Variants in PTPN3 observed in about 807,000 individuals in gnomAD.
The protein encoded by PTPN3 is protein tyrosine phosphatase non-receptor type 3, also known as tyrosine-protein phosphatase non-receptor type 3.
PTPN3 carries 96 observed loss-of-function variants against 132.7 expected under a neutral mutation model. The observed-to-expected ratio is 0.72, with a 90% CI of 0.61 to 0.86. The LOEUF is 0.86. Among genes scored for constraint, PTPN3 ranks in the 40% least tolerant of loss-of-function variants. The probability of loss-of-function intolerance (pLI) is 0.00; values close to 1 mark genes in which losing one functional copy is unlikely to be tolerated. For synonymous variants in PTPN3, 398 were observed against 429.0 expected (o/e 0.93, Z 0.89); for missense variants, 1,125 against 1,159.6 (o/e 0.97, Z 0.43).
At chr9:109,489,707 C>A (rs1037856644) in intron 1 of PTPN3, among the ~76,000 whole-genome samples, 1 of 151,960 alleles carries the variant, frequency 6.6e-6, no homozygotes, top group Non-Finnish European at 1.5e-5. Flanking sequence ...TGAGTCTCAC[C>A]CCTCATCAAA....
chr9:109,468,939 T>TA (rs1399158293), intron 1 of PTPN3, among the ~76,000 whole-genome samples: 1 of 152,282 alleles, frequency 6.6e-6, no homozygotes. Context: ...TTCCATTTCT[T>TA]AAAGTTTTAT....
At chr9:109,446,951 G>A (rs966029582) in intron 6 of PTPN3, among the ~76,000 whole-genome samples, 12 of 152,104 alleles carry the variant, frequency 7.9e-5, no homozygotes, top group East Asian at 3.9e-4. Context: ...CAAACAAGTC[G>A]GGACAATTTG....
chr9:109,404,942 T>C (rs1841436148), intron 18 of PTPN3, among the ~76,000 whole-genome samples: 1 of 152,232 alleles, frequency 6.6e-6, no homozygotes, highest in Non-Finnish European at 1.5e-5. Context: ...GACCGGGTTA[T>C]TCTTCTACCC....
chr9:109,430,475 A>G (rs1843577990), intron 10 of PTPN3, among the ~76,000 whole-genome samples: 1 of 152,114 alleles, frequency 6.6e-6, no homozygotes, highest in African/African-American at 2.4e-5. Flanking sequence ...ATGCACAGAC[A>G]TGAACTCTTG....
the PTPN3 span, among the ~76,000 whole-genome samples, chr9:109,510,695 C>T: frequency 9.4e-5 from 14 of 148,632 alleles, no homozygotes; most frequent in East Asian, 2.4e-3. Flanking sequence ...ATTGTAATCA[C>T]GTGGGAAAAT....
chr9:109,400,022 G>T (rs1413252181), intron 19 of PTPN3, among the ~76,000 whole-genome samples: 3 of 151,300 alleles, frequency 2.0e-5, no homozygotes, highest in African/African-American at 7.3e-5. Flanking sequence ...CAACTTCCCA[G>T]GCTCAAGTGA....
Position 109,498,060 on chromosome 9 carries a change from G to C in PTPN3, c.-18+159C>G, listed in dbSNP as rs1381654143. 2.1e-5 allele frequency among the ~76,000 whole-genome samples: 3 copies of C among 144,404 alleles called. No individual in the cohort carries two copies. The East Asian group carries it at 6.1e-4, about 29-fold the overall frequency. 94.7% of individuals were successfully genotyped at this position (144,404 alleles called of 152,430 possible). A position where few individuals can be genotyped will look rare whatever the true frequency, so the allele number is the denominator to read the frequency against. ...CGGGGCGCCCCCTCCCCGCCCCGAC[G>C]TGGTGCGGGGATCCCGGTGCAGCCG... On this transcript the variant is annotated intron_variant, in intron 1 of 25. Transcript: ENST00000374541. The surrounding 1 kb of genome is among the most constrained non-coding windows in gnomAD (Gnocchi z 4.2).
intron 5 of PTPN3, chr9:109,450,028 A>G (rs1845145822): frequency 1.0e-6 from 1 of 982,782 alleles, no homozygotes; most frequent in Non-Finnish European, 1.2e-6. Flanking sequence ...GAGCTCAGAT[A>G]GGATATGTGA....
intron 1 of PTPN3, among the ~76,000 whole-genome samples, chr9:109,488,867 T>C (rs533249137): frequency 8.5e-5 from 13 of 152,296 alleles, no homozygotes; most frequent in African/African-American, 3.1e-4. Flanking sequence ...CAAGTCCCTG[T>C]CTGCATCTAC....
chr9:109,533,528 C>A, the PTPN3 span: 1 of 1,599,964 alleles, frequency 6.3e-7, no homozygotes, highest in Non-Finnish European at 8.5e-7. Context: ...GGTCTCACCT[C>A]GTTGATTTTC....
In PTPN3 at chr9:109,409,691, T is replaced by C. The variant is rs1168662716; in HGVS notation, c.1578+308A>G. ...GAAAAAAATTAGCTGGGTATGGTGG[T>C]GCATCCCTATAGTCCCAGCTGAGGT... On this transcript the variant is annotated intron_variant, in intron 16 of 25. Coordinates refer to ENST00000374541, the MANE Select transcript of PTPN3 (RefSeq NM_002829.4). Among the ~76,000 whole-genome samples, 3 of 152,170 alleles carry C rather than the reference T, an allele frequency of 2.0e-5. No homozygotes were observed. The East Asian group carries it at 5.8e-4, about 29-fold the overall frequency.
At chr9:109,518,930 G>A in the PTPN3 span, among the ~76,000 whole-genome samples, 19 of 152,212 alleles carry the variant, frequency 1.2e-4, no homozygotes, top group African/African-American at 4.6e-4. Flanking sequence ...AAGGAGTCTG[G>A]CAAACTCCTA....
the PTPN3 span, among the ~76,000 whole-genome samples, chr9:109,514,024 T>C: frequency 2.6e-5 from 4 of 152,142 alleles, no homozygotes; most frequent in African/African-American, 9.7e-5. Flanking sequence ...TCCTTATCCA[T>C]GACTATCCAC....
chr9:109,510,351 G>A, the PTPN3 span, among the ~76,000 whole-genome samples: 1,267 of 151,772 alleles, frequency 8.3e-3, 5 homozygotes, highest in Middle Eastern at 0.021. Context: ...CTGAGGTCGG[G>A]AATTCGAGAC....
At position 109,379,156 on chromosome 9, in the gene PTPN3, GAAAC is replaced by G. The variant is rs1838812118; in HGVS notation, c.*396_*399del. ...CTCAGCCCTTACAGTCTGACACACA[GAAAC>G]AAACAAAACATCCAAATGACCCAAG... is the stretch of plus-strand genomic sequence containing the variant. On this transcript the variant is annotated 3_prime_UTR_variant, in exon 26 of 26. Coordinates refer to ENST00000374541, the MANE Select transcript of PTPN3 (RefSeq NM_002829.4). 1 of 183,018 alleles carries G rather than the reference GAAAC, an allele frequency of 5.5e-6. No individual in the cohort carries two copies. Among genetic ancestry groups the G allele is most frequent in the African/African-American group, 2.4e-5 (1 of 42,070 alleles). The allele number at this position is 183,018 out of a possible 1,614,324, so 11.3% of individuals were successfully genotyped here.
At chr9:109,505,944 G>A in the PTPN3 span, among the ~76,000 whole-genome samples, 5 of 151,746 alleles carry the variant, frequency 3.3e-5, no homozygotes, top group Non-Finnish European at 5.9e-5. Context: ...GTAGAGACAG[G>A]GTTTCACCGT....
chr9:109,428,704 A>G lies in PTPN3; in HGVS notation c.765-20T>C. The G allele has an allele frequency of 6.2e-7, 1 of 1,609,036 alleles. No homozygotes were observed. Among genetic ancestry groups the G allele is most frequent in the African/African-American group, 1.3e-5 (1 of 75,012 alleles). On this transcript the variant is annotated intron_variant, in intron 10 of 25. Transcript: ENST00000374541. ...TTCACCCTTCAAAAAATAAAACAAAACACAAACAAAGCACATCAGGGATCG... is the reference window on the plus strand; with the variant it reads ...TTCACCCTTCAAAAAATAAAACAAAGCACAAACAAAGCACATCAGGGATCG...
At position 109,388,682 on chromosome 9, in the gene PTPN3, C is replaced by T. The variant is rs1197568657; in HGVS notation, c.2253+551G>A. Among the ~76,000 whole-genome samples, 3 of 152,194 alleles carry T rather than the reference C, an allele frequency of 2.0e-5. No individual in the cohort carries two copies. In the East Asian group the frequency reaches 5.8e-4, roughly 29 times the overall value. ...AGAAGGGGGCTGCTATCCAGGGCAACCAACCCTTAGGGTTATCAGCCCTAA... is the reference window on the plus strand; with the variant it reads ...AGAAGGGGGCTGCTATCCAGGGCAATCAACCCTTAGGGTTATCAGCCCTAA... On this transcript the variant is annotated intron_variant, in intron 22 of 25. Coordinates refer to ENST00000374541, the MANE Select transcript of PTPN3 (RefSeq NM_002829.4).
chr9:109,429,080 C>G lies in PTPN3; in HGVS notation c.765-396G>C, dbSNP rs1843487207. On this transcript the variant is annotated intron_variant, in intron 10 of 25. Transcript: ENST00000374541. Reference sequence around the variant, plus strand: ...TCCGAACCCCAGCTCCATTACTTAACAGCCACGTGTCAAGTAGCCTACTTA... The same window carrying G: ...TCCGAACCCCAGCTCCATTACTTAAGAGCCACGTGTCAAGTAGCCTACTTA... 1.0e-5 allele frequency: 10 copies of G among 983,222 alleles called. No individual in the cohort carries two copies. In the South Asian group the frequency reaches 4.2e-4, roughly 42 times the overall value. 60.9% of individuals were successfully genotyped at this position (983,222 alleles called of 1,614,324 possible).
Sources: allele counts gnomAD v4.1 joint callset (sites outside exome capture counted in the v4.1 genomes callset), GRCh38; gene constraint gnomAD v4.1.1; non-coding constraint Gnocchi (gnomAD v3.1); transcripts MANE v1.5; gene names NCBI Gene and HGNC (gene_info 2026-07-23, HGNC 2026-07-21).